PTPN3: variants seen among roughly 807,000 people sequenced by gnomAD.
The protein encoded by PTPN3 is tyrosine-protein phosphatase non-receptor type 3.
In PTPN3, 96 loss-of-function variants were observed where a neutral mutation model predicts 132.7. The observed-to-expected ratio is 0.72, with a 90% CI of 0.61 to 0.86. The LOEUF is 0.86. Among genes scored for constraint, PTPN3 ranks in the 40% least tolerant of loss-of-function variants. PTPN3 has a pLI of 0.00. For missense variants in PTPN3, 1,125 were observed against 1,159.6 expected, an observed-to-expected ratio of 0.97 and a Z score of 0.43; for synonymous variants, 398 against 429.0, an observed-to-expected ratio of 0.93 and a Z score of 0.89.
intron 11 of PTPN3, among the ~76,000 whole-genome samples, chr9:109,427,755 T>A (rs1843381249): frequency 6.6e-6 from 1 of 152,208 alleles, no homozygotes; most frequent in African/African-American, 2.4e-5. Context: ...GTGTCCTCAT[T>A]CCTAAGAGTT....
chr9:109,440,298 T>C (rs1160624735), intron 7 of PTPN3, among the ~76,000 whole-genome samples: 2 of 152,234 alleles, frequency 1.3e-5, no homozygotes, highest in Admixed American at 6.5e-5. Flanking sequence ...CAAGGCTATG[T>C]GGCTGGTGAG....
chr9:109,457,047 C>T, intron 4 of PTPN3, 126 bp downstream of exon 4: 3 of 976,106 alleles, frequency 3.1e-6, no homozygotes, highest in African/African-American at 1.6e-5. Flanking sequence ...AGTCGGCTCA[C>T]TCATGACTCC....
At chr9:109,463,247 G>A in intron 2 of PTPN3, 50 bp downstream of exon 2, 1 of 1,471,866 alleles carries the variant, frequency 6.8e-7, no homozygotes, top group Non-Finnish European at 9.1e-7. Context: ...AAAACTATTT[G>A]TTAGGAGCAT....
In PTPN3 at chr9:109,425,387, C is replaced by T. The variant is rs574109008; in HGVS notation, c.1001+1563G>A. On this transcript the variant is annotated intron_variant, in intron 12 of 25. Transcript: ENST00000374541. The stretch of plus-strand genomic sequence containing the variant: ...TAATAGCCACATCAACAACAAATCA[C>T]GAAAACAATTTTGAAAAACCAACAA... 1.4e-4 allele frequency among the ~76,000 whole-genome samples: 22 copies of T among 152,252 alleles called. No homozygotes were observed. In the South Asian group the frequency reaches 2.9e-3, roughly 20 times the overall value.
the PTPN3 span, among the ~76,000 whole-genome samples, chr9:109,503,570 G>A: frequency 6.6e-6 from 1 of 152,196 alleles, no homozygotes; most frequent in Non-Finnish European, 1.5e-5. Context: ...TTAGCCAGGT[G>A]TGGTGGCACA....
At chr9:109,391,304 G>T in intron 20 of PTPN3, 105 bp from the exon 21 acceptor site, 2 of 1,283,274 alleles carry the variant, frequency 1.6e-6, no homozygotes, top group Non-Finnish European at 1.1e-6. Flanking sequence ...TGCCTCATTA[G>T]CATAAACACT....
chr9:109,480,070 T>C (rs1846888043), intron 1 of PTPN3, among the ~76,000 whole-genome samples: 3 of 152,236 alleles, frequency 2.0e-5, no homozygotes, highest in South Asian at 2.1e-4. Flanking sequence ...TTTTCCGTAA[T>C]GACTAATGAT....
At chr9:109,391,267 T>A (rs1169920956) in intron 20 of PTPN3, 68 bp from the exon 21 acceptor site, 15 of 1,479,220 alleles carry the variant, frequency 1.0e-5, no homozygotes, top group Non-Finnish European at 1.4e-5. Flanking sequence ...TAAACCAGAG[T>A]TCAGTTCCCA....
chr9:109,406,528 C>T lies in PTPN3; in HGVS notation c.1726G>A (p.Val576Met). ...DISEHTHDQV[V>M]MFIKASRESH... ...TCCCGGCTGGCTTTGATGAACATCA[C>T]CACTTGGTCATGCGTGTGTTCTGAG... The change falls in exon 18 of 26, where the codon GTG becomes ATG. Residue 576 changes from valine (V) to methionine (M), a missense_variant. By Grantham distance (21) the Val-to-Met change is conservative. Coordinates refer to ENST00000374541, the MANE Select transcript of PTPN3 (RefSeq NM_002829.4). 6.2e-7 allele frequency: 1 copy of T among 1,614,174 alleles called. No homozygotes were observed. Among genetic ancestry groups the T allele is most frequent in the Non-Finnish European group, 8.5e-7 (1 of 1,180,028 alleles).
chr9:109,433,880 C>T (rs978781573), intron 9 of PTPN3, among the ~76,000 whole-genome samples: 22 of 143,340 alleles, frequency 1.5e-4, no homozygotes, highest in African/African-American at 5.8e-4. Context: ...ATTGTGCCAC[C>T]ATGCTCCAGC....
At chr9:109,497,781 G>C (rs907885030) in intron 1 of PTPN3, among the ~76,000 whole-genome samples, 1 of 151,978 alleles carries the variant, frequency 6.6e-6, no homozygotes, top group Admixed American at 6.5e-5. Flanking sequence ...CCTGGGAGCC[G>C]AGCGCTGGCA....
At chr9:109,469,117 G>T (rs1485360641) in intron 1 of PTPN3, among the ~76,000 whole-genome samples, 4 of 152,180 alleles carry the variant, frequency 2.6e-5, no homozygotes, top group Admixed American at 2.6e-4. Flanking sequence ...GGGAGTCAGG[G>T]TTGGGTAACA....
At chr9:109,522,581 G>A in the PTPN3 span, among the ~76,000 whole-genome samples, 1 of 152,154 alleles carries the variant, frequency 6.6e-6, no homozygotes, top group Admixed American at 6.5e-5. Flanking sequence ...TCAAGGTGGT[G>A]GTGAAAGTAA....
At chr9:109,409,358 T>C (rs554329109) in intron 16 of PTPN3, among the ~76,000 whole-genome samples, 64 of 152,136 alleles carry the variant, frequency 4.2e-4, no homozygotes, top group Non-Finnish European at 9.1e-4. Flanking sequence ...TTGCCAACTG[T>C]GTGCCCTCAT....
chr9:109,537,404 C>G, the PTPN3 span, among the ~76,000 whole-genome samples: 69,601 of 152,002 alleles, frequency 0.46, 16,810 homozygotes, highest in East Asian at 0.85. Context: ...TGAACGGATT[C>G]CTGCACCATC....
the PTPN3 span, among the ~76,000 whole-genome samples, chr9:109,528,919 G>A: frequency 1.3e-5 from 2 of 152,046 alleles, no homozygotes; most frequent in African/African-American, 2.4e-5. Flanking sequence ...GCTCTTCTCT[G>A]ATGTTGGCTT....
chr9:109,538,320 C>T, the PTPN3 span, among the ~76,000 whole-genome samples: 4 of 152,218 alleles, frequency 2.6e-5, no homozygotes, highest in African/African-American at 9.6e-5. Flanking sequence ...TAATCCTTTA[C>T]ATAGCACTTA....
chr9:109,466,803 C>T (rs1014884147), intron 1 of PTPN3, among the ~76,000 whole-genome samples: 7 of 152,140 alleles, frequency 4.6e-5, no homozygotes, highest in African/African-American at 7.2e-5. Flanking sequence ...AGCTCTTAGA[C>T]GGATGTGGCC....
At chr9:109,430,558 C>A (rs115060411) in intron 10 of PTPN3, among the ~76,000 whole-genome samples, 73 of 152,136 alleles carry the variant, frequency 4.8e-4, no homozygotes, top group African/African-American at 1.7e-3. Context: ...AAAAAATGCA[C>A]TGAGAGCCTA....
Sources: gnomAD v4.1 joint callset for allele counts (sites outside exome capture counted in the v4.1 genomes callset) on GRCh38, gnomAD v4.1.1 for gene constraint, MANE v1.5 for transcripts, NCBI Gene and HGNC (gene_info 2026-07-23, HGNC 2026-07-21) for gene names.